The following SPAST variants were observed in gnomAD, a reference collection of about 807,000 sequenced individuals.
SPAST encodes the protein spastin, also known as spastic paraplegia 4 (autosomal dominant; spastin).
Under a neutral mutation model 76.6 loss-of-function variants are expected in SPAST, and 30 were observed. That is an observed-to-expected ratio of 0.39 (90% CI 0.29 to 0.53). The LOEUF (loss-of-function observed/expected upper bound fraction) is 0.53, where lower values mean the gene tolerates loss of function less well. Among genes scored for constraint, SPAST ranks in the 20% least tolerant of loss-of-function variants. The pLI is 0.68. For synonymous variants in SPAST, 305 were observed against 281.0 expected (o/e 1.09, Z -0.86); for missense variants, 717 against 770.5 (o/e 0.93, Z 0.82).
chr2:32,063,971 A>G lies in SPAST; in HGVS notation c.140A>G (p.Lys47Arg), dbSNP rs1177281921. ...GPAPPPESPH[K>R]RNLYYFSYPL... ...GCCCCTCCGCCCGAGTCGCCGCATAAGCGGAACCTGTACTATTTCTCCTAC... is the reference window on the plus strand; with the variant it reads ...GCCCCTCCGCCCGAGTCGCCGCATAGGCGGAACCTGTACTATTTCTCCTAC... The change falls in exon 1 of 17, where the codon AAG (lysine) becomes AGG (arginine). Residue 47 changes from lysine to arginine, a missense_variant. Lys to Arg is a conservative substitution (Grantham distance 26). Around this residue, in one of 3 missense-constraint regions of SPAST, gnomAD observed 543 missense variants for 445.2 expected, o/e 1.22. Transcript: ENST00000315285. The G allele has an allele frequency of 5.0e-6, 8 of 1,612,992 alleles. No individual in the cohort carries two copies. Among genetic ancestry groups the G allele is most frequent in the African/African-American group, 1.3e-5 (1 of 74,952 alleles).
chr2:32,123,858 C>G (rs1679103120), intron 7 of SPAST, among the ~76,000 whole-genome samples: 1 of 152,124 alleles, frequency 6.6e-6, no homozygotes. Flanking sequence ...TGACAACTTT[C>G]ACAAAAATAA....
intron 1 of SPAST, among the ~76,000 whole-genome samples, chr2:32,072,198 A>G (rs1676778606): frequency 7.8e-6 from 1 of 128,806 alleles, no homozygotes; most frequent in African/African-American, 2.8e-5. Flanking sequence ...GCTGGCCACC[A>G]TGCCCAGCTA....
chr2:32,090,693 A>G (rs1031192688), intron 3 of SPAST, among the ~76,000 whole-genome samples: 6 of 151,972 alleles, frequency 3.9e-5, no homozygotes, highest in Admixed American at 6.6e-5. Context: ...TTTTCTTCCA[A>G]TTTATTTGTT....
intron 4 of SPAST, among the ~76,000 whole-genome samples, chr2:32,099,112 C>A (rs1316177124): frequency 6.6e-6 from 1 of 152,124 alleles, no homozygotes; most frequent in Non-Finnish European, 1.5e-5. Flanking sequence ...TATTTTGCAA[C>A]CTCTGGTTTT....
rs942108146 is a variant in SPAST, at chr2:32,156,484, T to A, written c.*1988T>A. 2.6e-5 allele frequency: 4 copies of A among 152,022 alleles called. No homozygotes were observed. 9.4% of individuals were successfully genotyped at this position (152,022 alleles called of 1,614,324 possible). On this transcript the variant is annotated 3_prime_UTR_variant, in exon 17 of 17. Coordinates refer to ENST00000315285, the MANE Select transcript of SPAST (RefSeq NM_014946.4). ...AAAAAAATTTTTTTCAAGCCAGAGCTATGCATATGTTAGGTGATGGGTAGT... is the reference window on the plus strand; with the variant it reads ...AAAAAAATTTTTTTCAAGCCAGAGCAATGCATATGTTAGGTGATGGGTAGT...
In SPAST at chr2:32,127,031, T is replaced by C. The variant is rs775558266; in HGVS notation, c.1173+9T>C. Reference sequence around the variant, plus strand: ...ATGGGAAGACAATGCTGGTAAGGGTTCTCTTCAAATTTGAGTTTTCTGTTG... The same window carrying C: ...ATGGGAAGACAATGCTGGTAAGGGTCCTCTTCAAATTTGAGTTTTCTGTTG... On this transcript the variant is annotated intron_variant, in intron 8 of 16. Coordinates refer to ENST00000315285, the MANE Select transcript of SPAST (RefSeq NM_014946.4). The C allele has an allele frequency of 8.8e-6, 14 of 1,594,944 alleles. No individual in the cohort carries two copies. In the Admixed American group the frequency reaches 2.3e-4, roughly 27 times the overall value.
At chr2:32,091,397 C>T (rs1408350117) in intron 3 of SPAST, among the ~76,000 whole-genome samples, 1 of 150,814 alleles carries the variant, frequency 6.6e-6, no homozygotes, top group Non-Finnish European at 1.5e-5. Context: ...TCTCGTGATT[C>T]AGTCTCCCGA....
At chr2:32,068,716 T>G (rs2148690649) in intron 1 of SPAST, among the ~76,000 whole-genome samples, 1 of 152,184 alleles carries the variant, frequency 6.6e-6, no homozygotes, top group South Asian at 2.1e-4. Flanking sequence ...ACTTAAAGAT[T>G]CATTTTCCTT....
At chr2:32,088,310 G>A (rs1677574499) in intron 2 of SPAST, among the ~76,000 whole-genome samples, 1 of 151,456 alleles carries the variant, frequency 6.6e-6, no homozygotes, top group Non-Finnish European at 1.5e-5. Flanking sequence ...TGGGATTACA[G>A]GCATGAGCCA....
chr2:32,085,342 A>G (rs1028224963), intron 1 of SPAST, among the ~76,000 whole-genome samples: 1 of 151,728 alleles, frequency 6.6e-6, no homozygotes, highest in Non-Finnish European at 1.5e-5. Context: ...CAGTCCCCCA[A>G]GTAGATGGGA....
At chr2:32,133,457 A>T (rs1052775141) in intron 9 of SPAST, among the ~76,000 whole-genome samples, 1 of 152,158 alleles carries the variant, frequency 6.6e-6, no homozygotes, top group African/African-American at 2.4e-5. Flanking sequence ...TCATAGACAA[A>T]GCTAGCATGC....
At chr2:32,072,445 C>T (rs746765210) in intron 1 of SPAST, among the ~76,000 whole-genome samples, 3 of 152,070 alleles carry the variant, frequency 2.0e-5, no homozygotes, top group Non-Finnish European at 4.4e-5. Flanking sequence ...ATCTTAATAT[C>T]TCTGTTTTAA....
chr2:32,147,163 A>G, intron 15 of SPAST, 55 bp from the exon 16 acceptor site: 2 of 1,309,612 alleles, frequency 1.5e-6, no homozygotes, highest in Non-Finnish European at 2.2e-6. Context: ...GCCCTTCAAC[A>G]ATTTCAACTG....
At chr2:32,065,059 G>A (rs887614409) in intron 1 of SPAST, among the ~76,000 whole-genome samples, 1 of 150,346 alleles carries the variant, frequency 6.7e-6, no homozygotes, top group Non-Finnish European at 1.5e-5. Flanking sequence ...TCGCCCTGTC[G>A]CCCAAGCTGG....
chr2:32,150,023 C>T (rs1476946667), intron 16 of SPAST, among the ~76,000 whole-genome samples: 3 of 149,614 alleles, frequency 2.0e-5, no homozygotes, highest in Admixed American at 1.3e-4. Context: ...GGATGAGGCA[C>T]CATACTTGAA....
chr2:32,077,851 G>T (rs995655878), intron 1 of SPAST: 1 of 152,246 alleles, frequency 6.6e-6, no homozygotes, highest in Non-Finnish European at 1.5e-5. Context: ...AAATAATGCA[G>T]TCCAGGTGCA....
At position 32,067,276 on chromosome 2, in the gene SPAST, G is replaced by A. The variant is rs891438871; in HGVS notation, c.415+3030G>A. ...GGGGTTCCACCATGTTGGCCAGGCT[G>A]GTTTCGAGCTCCTGACCTCAAGTGA... On this transcript the variant is annotated intron_variant, in intron 1 of 16. Coordinates refer to ENST00000315285, the MANE Select transcript of SPAST (RefSeq NM_014946.4). Among the ~76,000 whole-genome samples the A allele has an allele frequency of 2.0e-5, 3 of 152,110 alleles. No individual in the cohort carries two copies. In the South Asian group the frequency reaches 6.2e-4, roughly 31 times the overall value.
At chr2:32,091,286 ATTATTATTATTC>A (rs923896446) in intron 3 of SPAST, among the ~76,000 whole-genome samples, 19 of 129,686 alleles carry the variant, frequency 1.5e-4, no homozygotes, top group Non-Finnish European at 2.9e-4. Flanking sequence ...TATTATTATT[ATTATTATTATTC>A]GAGATGGAGT....
At chr2:32,076,561 T>C (rs58771409) in intron 1 of SPAST, among the ~76,000 whole-genome samples, 3,445 of 152,156 alleles carry the variant, frequency 0.023, 127 homozygotes, top group African/African-American at 0.077. Flanking sequence ...TTTTCTCTAA[T>C]GGTGAACTAT....
Sources: allele counts gnomAD v4.1 joint callset (sites outside exome capture counted in the v4.1 genomes callset), GRCh38; gene constraint gnomAD v4.1.1; regional missense constraint gnomAD v4.1.1; transcripts MANE v1.5; gene names NCBI Gene and HGNC (gene_info 2026-07-23, HGNC 2026-07-21).